C2CD5: variants seen among roughly 807,000 people sequenced by gnomAD.
C2CD5 encodes C2 calcium dependent domain containing 5, also known as C2 domain-containing protein 5.
In C2CD5, 109 loss-of-function variants were observed where a neutral mutation model predicts 130.3. The observed-to-expected ratio is 0.84, with a 90% confidence interval of 0.72 to 0.98. The LOEUF is 0.98. Ranked by LOEUF, C2CD5 falls within the 50% of genes least tolerant of loss-of-function variation. The pLI, the probability that C2CD5 is intolerant of heterozygous loss-of-function variation, is 0.00. For synonymous variants in C2CD5, 454 were observed against 429.2 expected (o/e 1.06, Z -0.71); for missense variants, 996 against 1,261.8 (o/e 0.79, Z 3.19).
intron 6 of C2CD5, 51 bp downstream of exon 6, chr12:22,524,421 A>T (rs1216611400): frequency 1.3e-6 from 2 of 1,544,038 alleles, no homozygotes; most frequent in Non-Finnish European, 1.8e-6. Flanking sequence ...AAAGCAAAAA[A>T]TTTAAGAGAG....
intron 10 of C2CD5, among the ~76,000 whole-genome samples, chr12:22,498,235 C>A (rs1414755771): frequency 6.6e-6 from 1 of 152,070 alleles, no homozygotes; most frequent in African/African-American, 2.4e-5. Context: ...TATGCACACA[C>A]CAAAATAGTG....
chr12:22,459,995 G>A (rs1476983840), intron 22 of C2CD5, among the ~76,000 whole-genome samples: 1 of 152,224 alleles, frequency 6.6e-6, no homozygotes, highest in Non-Finnish European at 1.5e-5. Context: ...TCACAGATCA[G>A]CATAAGCTGC....
chr12:22,474,951 C>A, intron 15 of C2CD5, 60 bp from the exon 16 acceptor site: 1 of 1,191,560 alleles, frequency 8.4e-7, no homozygotes, highest in Non-Finnish European at 1.1e-6. Context: ...TTAAATTTTA[C>A]ATCTTTATAT....
chr12:22,517,411 C>T (rs1430972490), intron 8 of C2CD5, among the ~76,000 whole-genome samples: 1 of 151,810 alleles, frequency 6.6e-6, no homozygotes, highest in Non-Finnish European at 1.5e-5. Flanking sequence ...AGAAATCATT[C>T]ATCAAAATAC....
At chr12:22,529,005 G>A (rs1282328008) in intron 3 of C2CD5, among the ~76,000 whole-genome samples, 1 of 152,022 alleles carries the variant, frequency 6.6e-6, no homozygotes, top group Non-Finnish European at 1.5e-5. Flanking sequence ...CTTTATAAGA[G>A]GTATATAATT....
intron 2 of C2CD5, among the ~76,000 whole-genome samples, chr12:22,540,440 T>A (rs1172215617): frequency 6.6e-6 from 1 of 152,270 alleles, no homozygotes; most frequent in Admixed American, 6.5e-5. Context: ...GAAGTTTTTT[T>A]AAATTTATTG....
intron 12 of C2CD5, among the ~76,000 whole-genome samples, 198 bp from the exon 13 acceptor site, chr12:22,485,086 G>A (rs540281158): frequency 6.6e-6 from 1 of 152,110 alleles, no homozygotes; most frequent in South Asian, 2.1e-4. Context: ...TTTTTCCTAT[G>A]AGAGAAAAGA....
intron 19 of C2CD5, 86 bp from the exon 20 acceptor site, chr12:22,471,574 C>A: frequency 3.1e-6 from 2 of 641,102 alleles, no homozygotes; most frequent in Non-Finnish European, 2.5e-6. Context: ...TATATTATAG[C>A]AAATGGAGAG....
intron 4 of C2CD5, among the ~76,000 whole-genome samples, chr12:22,526,779 C>G (rs1950758475): frequency 6.6e-6 from 1 of 152,198 alleles, no homozygotes; most frequent in Non-Finnish European, 1.5e-5. Flanking sequence ...GATCTTATCT[C>G]TAAACATTTA....
chr12:22,457,759 A>T (rs1940237549), intron 24 of C2CD5, among the ~76,000 whole-genome samples: 1 of 152,136 alleles, frequency 6.6e-6, no homozygotes, highest in East Asian at 1.9e-4. Context: ...ATATATATAT[A>T]TATCTAATCC....
intron 26 of C2CD5, among the ~76,000 whole-genome samples, chr12:22,452,814 C>T (rs1818720198): frequency 6.6e-6 from 1 of 152,156 alleles, no homozygotes; most frequent in Non-Finnish European, 1.5e-5. Flanking sequence ...TGCCAGTAGT[C>T]CCAGCCACTA....
chr12:22,453,067 G>A (rs1401701209), intron 26 of C2CD5, among the ~76,000 whole-genome samples: 1 of 152,094 alleles, frequency 6.6e-6, no homozygotes, highest in African/African-American at 2.4e-5. Flanking sequence ...TGTACAGGTA[G>A]GGGCAAAAAA....
chr12:22,470,195 C>A lies in C2CD5; in HGVS notation c.2447-400G>T, dbSNP rs16924975. Among the ~76,000 whole-genome samples the A allele has an allele frequency of 4.5e-3, 684 of 152,162 alleles. 12 individuals are homozygous for A. In the East Asian group the frequency reaches 0.05, roughly 11 times the overall value. On this transcript the variant is annotated intron_variant, in intron 21 of 26. Transcript: ENST00000446597. The stretch of plus-strand genomic sequence containing the variant: ...AATACATCTACCTGACATTAACTCA[C>A]TGCTCAAATCTTATCAATGCTATAC...
chr12:22,535,820 T>A (rs1951767389), intron 2 of C2CD5, among the ~76,000 whole-genome samples: 1 of 152,306 alleles, frequency 6.6e-6, no homozygotes, highest in Admixed American at 6.5e-5. Flanking sequence ...GGTACTGTCA[T>A]GCTTTGCTGG....
chr12:22,544,231 G>A lies in C2CD5; in HGVS notation c.-29-52C>T, dbSNP rs1440222795. On this transcript the variant is annotated intron_variant, in intron 1 of 26. Transcript: ENST00000446597. ...GCCGAGCGCGGGGCCGGCGGGAGAG[G>A]GGCGGAGGCGCGCGGGGTAACTGAC... The A allele has an allele frequency of 4.2e-6, 6 of 1,421,430 alleles. No individual in the cohort carries two copies. In the East Asian group the frequency reaches 1.4e-4, roughly 34 times the overall value. 88.1% of individuals were successfully genotyped at this position (1,421,430 alleles called of 1,614,324 possible). A position where few individuals can be genotyped will look rare whatever the true frequency, so the allele number is the denominator to read the frequency against.
At chr12:22,532,645 T>C (rs908005203) in intron 3 of C2CD5, among the ~76,000 whole-genome samples, 7 of 152,204 alleles carry the variant, frequency 4.6e-5, no homozygotes, top group African/African-American at 1.7e-4. Context: ...ATATAAACCA[T>C]AAGCAAAGCA....
intron 16 of C2CD5, 125 bp from the exon 17 acceptor site, chr12:22,472,932 G>A: frequency 1.6e-6 from 1 of 623,406 alleles, no homozygotes; most frequent in East Asian, 2.9e-5. Context: ...TATGTAACAA[G>A]AAAAAAATTC....
intron 14 of C2CD5, among the ~76,000 whole-genome samples, chr12:22,481,649 CT>C (rs34990025): frequency 0.057 from 6,640 of 116,478 alleles, 75 homozygotes; most frequent in South Asian, 0.086. Flanking sequence ...AGAAACACAC[CT>C]TTTTTTTTTT....
chr12:22,506,874 T>C, intron 9 of C2CD5, 55 bp from the exon 10 acceptor site: 2 of 1,146,056 alleles, frequency 1.7e-6, no homozygotes, highest in Admixed American at 1.7e-5. Flanking sequence ...GTGTAAAAAA[T>C]TTGCTTATTA....
Sources: allele counts gnomAD v4.1 joint callset (sites outside exome capture counted in the v4.1 genomes callset), GRCh38; gene constraint gnomAD v4.1.1; transcripts MANE v1.5; gene names NCBI Gene and HGNC (gene_info 2026-07-23, HGNC 2026-07-21).